The following SPG7 variants were observed in gnomAD, a reference collection of about 807,000 sequenced individuals.
SPG7 encodes the protein mitochondrial inner membrane m-AAA protease component paraplegin.
A neutral mutation model predicts 81.9 loss-of-function variants in SPG7; 103 were observed. The ratio of observed to expected loss-of-function variants is 1.26; its 90% confidence interval spans 1.07 to 1.48. The LOEUF is 1.48. Among genes scored for constraint, SPG7 ranks in the 40% most tolerant of loss-of-function variants. The probability of loss-of-function intolerance (pLI) is 0.00; values close to 1 mark genes in which losing one functional copy is unlikely to be tolerated. For synonymous variants in SPG7, 534 were observed against 444.2 expected, an observed-to-expected ratio of 1.20 and a Z score of -2.54; for missense variants, 1,241 against 1,087.3, an observed-to-expected ratio of 1.14 and a Z score of -1.99.
intron 3 of SPG7, chr16:89,517,616 CT>C (rs11318359): frequency 0.14 from 17,597 of 130,014 alleles, 1,130 homozygotes; most frequent in Middle Eastern, 0.19. Context: ...TTGTCGTCGT[CT>C]TTTTTTTTTT....
At chr16:89,530,343 A>C in intron 6 of SPG7, 1 of 367,586 alleles carries the variant, frequency 2.7e-6, no homozygotes, top group Non-Finnish European at 5.2e-6. Context: ...GACAGGTTTC[A>C]CCGTGTTAGC....
In SPG7 at chr16:89,546,236, G is replaced by A. The variant is rs531637400; in HGVS notation, c.1450-422G>A. On this transcript the variant is annotated intron_variant, in intron 10 of 16. Transcript: ENST00000645818. ...CGAGTAGCTGGGATTACAGGCACCCGCCGTCTTGCCTGGCTAATTTTTGTA... is the reference window on the plus strand; with the variant it reads ...CGAGTAGCTGGGATTACAGGCACCCACCGTCTTGCCTGGCTAATTTTTGTA... The A allele has an allele frequency of 2.0e-4, 63 of 311,074 alleles. 2 individuals are homozygous for A. The highest frequency in any genetic ancestry group is 1.6e-3 in the South Asian group (58 of 37,162). The allele number at this position is 311,074 out of a possible 1,614,324, so 19.3% of individuals were successfully genotyped here.
intron 16 of SPG7, chr16:89,554,977 G>A (rs2058672294): frequency 4.5e-6 from 1 of 221,024 alleles, no homozygotes; most frequent in Admixed American, 5.3e-5. Context: ...GTGCGATGGC[G>A]ACATCTTGGC....
chr16:89,509,398 G>A (rs1038593291), intron 1 of SPG7, among the ~76,000 whole-genome samples: 2 of 151,980 alleles, frequency 1.3e-5, no homozygotes, highest in African/African-American at 4.8e-5. Flanking sequence ...TTACGGGTGC[G>A]CGCCACCACA....
chr16:89,536,675 G>A (rs1057262302), intron 9 of SPG7: 12 of 1,512,496 alleles, frequency 7.9e-6, no homozygotes, highest in South Asian at 3.4e-5. Flanking sequence ...GGGTGAGATC[G>A]GGCGAGGCGG....
chr16:89,540,896 G>A (rs1250940801), intron 9 of SPG7: 1 of 985,054 alleles, frequency 1.0e-6, no homozygotes, highest in Non-Finnish European at 1.2e-6. Context: ...AAGTGACCCA[G>A]GTGCCATTCA....
intron 13 of SPG7, chr16:89,551,086 T>C: frequency 4.3e-6 from 1 of 231,440 alleles, no homozygotes. Flanking sequence ...AACAAAAAAC[T>C]ACTCTTGTAG....
chr16:89,546,367 G>A, intron 10 of SPG7: 1 of 391,980 alleles, frequency 2.6e-6, no homozygotes, highest in Non-Finnish European at 4.9e-6. Context: ...ATCCAACAGT[G>A]TTCTGTTCGT....
chr16:89,517,988 A>C (rs1004276538), intron 3 of SPG7: 1 of 152,192 alleles, frequency 6.6e-6, no homozygotes, highest in African/African-American at 2.4e-5. Context: ...AATGTCTGTT[A>C]AATTTGCGTT....
At chr16:89,532,436 T>A (rs1422552695) in intron 8 of SPG7, 27 bp from the exon 9 acceptor site, 1 of 1,612,770 alleles carries the variant, frequency 6.2e-7, no homozygotes, top group African/African-American at 1.3e-5. Flanking sequence ...AACTGCCCAT[T>A]TCCTGATTCT....
intron 16 of SPG7, chr16:89,556,136 T>G (rs1198426904): frequency 1.0e-5 from 4 of 398,796 alleles, no homozygotes; most frequent in Non-Finnish European, 1.3e-5. Context: ...GTGTATGAAC[T>G]GTCAGCTACT....
intron 3 of SPG7, chr16:89,523,642 C>T (rs187673463): frequency 1.3e-4 from 60 of 459,282 alleles, no homozygotes; most frequent in African/African-American, 8.3e-4. Context: ...AGCACAGTGG[C>T]GCGATCACGG....
intron 5 of SPG7, chr16:89,529,207 T>C: frequency 3.8e-6 from 2 of 522,884 alleles, no homozygotes; most frequent in South Asian, 4.1e-5. Flanking sequence ...TAGAAAAACC[T>C]GAACGTTGTT....
chr16:89,549,824 G>A (rs1864155), intron 12 of SPG7: 27,426 of 165,880 alleles, frequency 0.17, 2,371 homozygotes, highest in Non-Finnish European at 0.18. Flanking sequence ...GGAGGCCTCT[G>A]CCCATCCTGC....
intron 6 of SPG7, 85 bp from the exon 7 acceptor site, chr16:89,530,598 C>A: frequency 6.4e-7 from 1 of 1,554,868 alleles, no homozygotes; most frequent in Non-Finnish European, 8.9e-7. Context: ...GTTGGGGCGG[C>A]TCAGGTGCGT....
intron 10 of SPG7, chr16:89,545,586 G>A (rs564122091): frequency 9.2e-6 from 2 of 218,528 alleles, no homozygotes; most frequent in African/African-American, 4.8e-5. Context: ...CAGGGGACAT[G>A]GCTTCTCCAG....
intron 3 of SPG7, chr16:89,517,340 A>G (rs2058112548): frequency 1.3e-5 from 2 of 152,038 alleles, no homozygotes; most frequent in South Asian, 4.1e-4. Flanking sequence ...ATGGCATGGC[A>G]GCCTCCGTTG....
chr16:89,536,577 GAGGCGGGTGA>G (rs2058424645), intron 9 of SPG7, among the ~76,000 whole-genome samples: 4 of 142,972 alleles, frequency 2.8e-5, no homozygotes, highest in Admixed American at 1.4e-4. Flanking sequence ...GAGGTCAGGT[GAGGCGGGTGA>G]GGTGAGGCAG....
chr16:89,508,532 A>AG lies in SPG7; in HGVS notation c.120dup (p.Arg41AlafsTer33), dbSNP rs1258724230. On this transcript the variant is annotated frameshift_variant, in exon 1 of 17. Coordinates refer to ENST00000645818, the MANE Select transcript of SPG7 (RefSeq NM_003119.4). LOFTEE classifies it high-confidence loss of function. ...TCCAGGGTTCCCCGCCAGGCCCGGG[A>AG]GGGGGCGGCCGTACATGGCCAGCAG... is the stretch of plus-strand genomic sequence containing the variant. 1 of 1,512,622 alleles carries AG rather than the reference A, an allele frequency of 6.6e-7. No individual in the cohort carries two copies. 93.7% of individuals were successfully genotyped at this position (1,512,622 alleles called of 1,614,324 possible).
Sources: gnomAD v4.1 joint callset for allele counts (sites outside exome capture counted in the v4.1 genomes callset) on GRCh38, gnomAD v4.1.1 for gene constraint, MANE v1.5 for transcripts, NCBI Gene and HGNC (gene_info 2026-07-23, HGNC 2026-07-21) for gene names.